TAF5L: variants seen among roughly 807,000 people sequenced by gnomAD.
TAF5L encodes TAF5-like RNA polymerase II p300/CBP-associated factor-associated factor 65 kDa subunit 5L.
Under a neutral mutation model 51.3 loss-of-function variants are expected in TAF5L, and 7 were observed. The ratio of observed to expected loss-of-function variants is 0.14; its 90% CI spans 0.08 to 0.26. TAF5L has a LOEUF of 0.26. TAF5L is among the 10% of genes least tolerant of loss of function. The pLI is 1.00. For synonymous variants in TAF5L, 291 were observed against 308.1 expected, an observed-to-expected ratio of 0.94 and a Z score of 0.58; for missense variants, 575 against 758.9, an observed-to-expected ratio of 0.76 and a Z score of 2.85.
At chr1:229,619,560 A>T (rs1665130695) in intron 1 of TAF5L, among the ~76,000 whole-genome samples, 1 of 152,088 alleles carries the variant, frequency 6.6e-6, no homozygotes, top group Non-Finnish European at 1.5e-5. Context: ...ATCAGCTGGG[A>T]CCTCCATGAT....
chr1:229,595,699 CTT>C (rs1413989420), intron 4 of TAF5L, among the ~76,000 whole-genome samples: 1 of 152,070 alleles, frequency 6.6e-6, no homozygotes, highest in East Asian at 1.9e-4. Context: ...GAGTTTCGCT[CTT>C]GTTGCCCAGG....
rs927825208 is a variant in TAF5L at position 229,600,704 on chromosome 1, C to G, written c.972+1491G>C. On this transcript the variant is annotated intron_variant, in intron 4 of 4. Transcript: ENST00000258281. ...TCCTGGAATTCCGCATGCGGTTCCT[C>G]ACTTCTGAGTCTTCAGATACACTTC... The G allele has an allele frequency of 4.7e-5, 46 of 985,424 alleles. No individual in the cohort carries two copies. The African/African-American group carries it at 7.7e-4, about 16-fold the overall frequency. 61.0% of individuals were successfully genotyped at this position (985,424 alleles called of 1,614,324 possible).
intron 4 of TAF5L, among the ~76,000 whole-genome samples, chr1:229,595,482 T>TA (rs1664085786): frequency 6.6e-6 from 1 of 152,226 alleles, no homozygotes; most frequent in Admixed American, 6.5e-5. Flanking sequence ...GTGAGGCTCT[T>TA]AGATTGTTCT....
chr1:229,607,048 T>A, intron 3 of TAF5L: 1 of 985,462 alleles, frequency 1.0e-6, no homozygotes, highest in Non-Finnish European at 1.2e-6. Context: ...AATCCTAGCC[T>A]CAAATTTCCC....
At position 229,606,327 on chromosome 1, in the gene TAF5L, T is replaced by G. The variant is rs17585495; in HGVS notation, c.248-3408A>C. On this transcript the variant is annotated intron_variant, in intron 3 of 4. Transcript: ENST00000258281. ...GAAAGTGTACTCACTTAAAATATAT[T>G]TTTTTCTAACTGCAAAAGTAACAAA... The G allele has an allele frequency of 5.3e-3, 4,735 of 888,980 alleles. 16 individuals are homozygous for G. The highest frequency in any genetic ancestry group is 7.0e-3 in the Admixed American group (114 of 16,180). The allele number at this position is 888,980 out of a possible 1,614,324, so 55.1% of individuals were successfully genotyped here. A position where few individuals can be genotyped will look rare whatever the true frequency, so the allele number is the denominator to read the frequency against.
Position 229,602,742 on chromosome 1 carries a change from G to T in TAF5L, c.425C>A (p.Thr142Asn), listed in dbSNP as rs1664432169. 12 of 1,614,140 alleles carry T rather than the reference G, an allele frequency of 7.4e-6. No individual in the cohort carries two copies. The highest frequency in any genetic ancestry group is 1.0e-5 in the Non-Finnish European group (12 of 1,180,020). Residue 142 changes from threonine to asparagine, a missense_variant, in exon 4 of 5, where the codon ACC becomes AAC. This residue lies in a region of TAF5L where 380 missense variants were observed against 443.7 expected (regional missense o/e 0.86). Coordinates refer to ENST00000258281, the Ensembl canonical transcript of TAF5L. This position sits in a 1 kb window ranked among gnomAD's most constrained non-coding sequence, Gnocchi z 4.6. ...TAGGATGTCCTGGATGGTTTGAGTG[G>T]TCTGTAGCTGCTCAATGACATCCTT...
At chr1:229,609,117 T>C (rs1043385259) in intron 3 of TAF5L, among the ~76,000 whole-genome samples, 2 of 152,222 alleles carry the variant, frequency 1.3e-5, no homozygotes, top group South Asian at 4.1e-4. Flanking sequence ...TGTCCTAAGA[T>C]ATATTGATAT....
At chr1:229,605,632 T>C (rs1251633600) in intron 3 of TAF5L, among the ~76,000 whole-genome samples, 6 of 151,898 alleles carry the variant, frequency 4.0e-5, no homozygotes, top group African/African-American at 1.4e-4. Context: ...TTAGATGAGA[T>C]TAACACATTT....
intron 1 of TAF5L, among the ~76,000 whole-genome samples, chr1:229,621,164 CTAATTT>C (rs1041771439): frequency 2.8e-4 from 43 of 152,304 alleles, no homozygotes; most frequent in African/African-American, 1.0e-3. Context: ...ATTGTTTTAA[CTAATTT>C]TAATTTAAGT....
intron 2 of TAF5L, among the ~76,000 whole-genome samples, chr1:229,613,710 G>A (rs1465889236): frequency 1.3e-5 from 2 of 152,134 alleles, no homozygotes; most frequent in Non-Finnish European, 2.9e-5. Flanking sequence ...TTGAGTATCC[G>A]TGGATTTTGG....
chr1:229,623,356 T>C (rs1222349996), intron 1 of TAF5L, among the ~76,000 whole-genome samples: 1 of 152,220 alleles, frequency 6.6e-6, no homozygotes, highest in Non-Finnish European at 1.5e-5. Context: ...GTCTACTGTG[T>C]CATTTCCAGG....
At chr1:229,621,688 T>TA (rs1014501685) in intron 1 of TAF5L, among the ~76,000 whole-genome samples, 2 of 152,056 alleles carry the variant, frequency 1.3e-5, no homozygotes, top group Non-Finnish European at 2.9e-5. Flanking sequence ...AACTTTAATT[T>TA]AAAAAAAGAG....
chr1:229,594,950 T>C lies in TAF5L; in HGVS notation c.1117A>G (p.Ser373Gly). The C allele has an allele frequency of 4.3e-6, 7 of 1,614,090 alleles. No individual in the cohort carries two copies. The highest frequency in any genetic ancestry group is 5.9e-6 in the Non-Finnish European group (7 of 1,180,020). ...TGGTACAACACAGTGTTGGTGAAACTCCCCAGATCCCAGTATCTGATGGAC... is the reference window on the plus strand; with the variant it reads ...TGGTACAACACAGTGTTGGTGAAACCCCCCAGATCCCAGTATCTGATGGAC... The change falls in exon 5 of 5, where the codon AGT becomes GGT. Residue 373 changes from serine (S) to glycine (G), a missense_variant. By Grantham distance (56) the Ser-to-Gly change is moderately conservative (BLOSUM62 0). Around this residue, in one of 3 missense-constraint regions of TAF5L, gnomAD observed 104 missense variants for 218.3 expected, o/e 0.48. Coordinates refer to ENST00000258281, the Ensembl canonical transcript of TAF5L. This position sits in a 1 kb window ranked among gnomAD's most constrained non-coding sequence, Gnocchi z 7.9.
At chr1:229,604,753 G>A (rs894563761) in intron 3 of TAF5L, among the ~76,000 whole-genome samples, 2 of 152,190 alleles carry the variant, frequency 1.3e-5, no homozygotes, top group African/African-American at 4.8e-5. Context: ...AGAATGGGTA[G>A]TGGAAAGAGG....
chr1:229,610,633 G>A (rs1053620594), intron 2 of TAF5L, among the ~76,000 whole-genome samples: 1 of 152,020 alleles, frequency 6.6e-6, no homozygotes, highest in Non-Finnish European at 1.5e-5. Context: ...GAAGTTTTCT[G>A]GAATCATTTT....
chr1:229,610,029 C>A (rs1316180455), intron 3 of TAF5L, 77 bp downstream of exon 3: 23 of 1,251,174 alleles, frequency 1.8e-5, no homozygotes, highest in Admixed American at 9.4e-5. Context: ...AGGGCTAACT[C>A]ACAAGCAGTG....
rs1029107041 is a variant in TAF5L, at chr1:229,600,031, T to C, written c.972+2164A>G. 6 of 984,172 alleles carry C rather than the reference T, an allele frequency of 6.1e-6. No individual in the cohort carries two copies. The African/African-American group carries it at 8.7e-5, about 14-fold the overall frequency. The allele number at this position is 984,172 out of a possible 1,614,324, so 61.0% of individuals were successfully genotyped here. On this transcript the variant is annotated intron_variant, in intron 4 of 4. Coordinates refer to ENST00000258281, the Ensembl canonical transcript of TAF5L. ...GGTATGTGAGTTTGTGGCTCCTGTA[T>C]TAAGAGTCTCTATTTTATTTTTTTT...
At chr1:229,615,859 C>A (rs1484354391) in intron 1 of TAF5L, among the ~76,000 whole-genome samples, 1 of 152,186 alleles carries the variant, frequency 6.6e-6, no homozygotes, top group East Asian at 1.9e-4. Flanking sequence ...CATACACACA[C>A]AATCATCCCA....
chr1:229,596,736 T>TTC (rs1664141846), intron 4 of TAF5L, among the ~76,000 whole-genome samples: 1 of 152,196 alleles, frequency 6.6e-6, no homozygotes, highest in South Asian at 2.1e-4. Flanking sequence ...CAGCTGTCTC[T>TTC]TCTGTCCCAG....
Sources: allele counts gnomAD v4.1 joint callset (sites outside exome capture counted in the v4.1 genomes callset), GRCh38; gene constraint gnomAD v4.1.1; regional missense constraint gnomAD v4.1.1; non-coding constraint Gnocchi (gnomAD v3.1); transcripts MANE v1.5; gene names NCBI Gene and HGNC (gene_info 2026-07-23, HGNC 2026-07-21).